The following UST variants were observed in gnomAD, a reference collection of about 807,000 sequenced individuals.
UST encodes chondroitin sulfate 2-O-sulfotransferase.
UST carries 21 observed loss-of-function variants against 45.6 expected under a neutral mutation model. The observed-to-expected ratio is 0.46, with a 90% confidence interval of 0.33 to 0.66. The LOEUF (loss-of-function observed/expected upper bound fraction) is 0.66. Among genes scored for constraint, UST ranks in the 30% least tolerant of loss-of-function variants. UST has a pLI of 0.02. For missense variants in UST, 463 were observed against 512.4 expected, an observed-to-expected ratio of 0.90 and a Z score of 0.93; for synonymous variants, 215 against 200.6, an observed-to-expected ratio of 1.07 and a Z score of -0.61.
At chr6:149,043,062 C>CTTCTTTCT (rs781008898) in intron 7 of UST, among the ~76,000 whole-genome samples, 11 of 112,094 alleles carry the variant, frequency 9.8e-5, no homozygotes, top group Non-Finnish European at 1.5e-4. Context: ...TCCTTCTTTC[C>CTTCTTTCT]TTCTTTCTTT....
intron 5 of UST, among the ~76,000 whole-genome samples, chr6:148,975,973 G>A (rs1210804801): frequency 1.3e-5 from 2 of 152,026 alleles, no homozygotes; most frequent in Admixed American, 6.6e-5. Flanking sequence ...TCACAAAAAG[G>A]CATTATAGGC....
At chr6:148,949,840 A>G (rs1780329708) in intron 3 of UST, among the ~76,000 whole-genome samples, 2 of 152,176 alleles carry the variant, frequency 1.3e-5, no homozygotes, top group Non-Finnish European at 2.9e-5. Flanking sequence ...CTACAATGTA[A>G]TGTAGAAAGT....
chr6:149,037,117 G>A (rs568483848), intron 7 of UST, among the ~76,000 whole-genome samples: 2 of 152,178 alleles, frequency 1.3e-5, no homozygotes, highest in Admixed American at 1.3e-4. Context: ...GGCCTCGGGG[G>A]GTGAGCACAG....
intron 5 of UST, among the ~76,000 whole-genome samples, chr6:149,007,286 A>ATT (rs758579779): frequency 3.7e-4 from 34 of 91,210 alleles, no homozygotes; most frequent in African/African-American, 1.2e-3. Context: ...CACCCGACCA[A>ATT]TTTTTTTTTT....
At chr6:148,991,848 A>G (rs1240058640) in intron 5 of UST, among the ~76,000 whole-genome samples, 1 of 152,182 alleles carries the variant, frequency 6.6e-6, no homozygotes, top group African/African-American at 2.4e-5. Flanking sequence ...GAATCCTTAG[A>G]CTACATCAAA....
intron 1 of UST, among the ~76,000 whole-genome samples, chr6:148,804,258 T>C (rs1777107111): frequency 6.6e-6 from 1 of 152,132 alleles, no homozygotes; most frequent in African/African-American, 2.4e-5. Context: ...AGGGAAATGG[T>C]CCTTCTCTTC....
intron 1 of UST, among the ~76,000 whole-genome samples, chr6:148,886,266 A>G (rs1042473518): frequency 1.3e-5 from 2 of 152,142 alleles, no homozygotes; most frequent in African/African-American, 4.8e-5. Flanking sequence ...CTCCTCTGTT[A>G]AAAGGGGACA....
chr6:148,893,243 T>TA (rs1429044372), intron 2 of UST, among the ~76,000 whole-genome samples: 1 of 152,234 alleles, frequency 6.6e-6, no homozygotes, highest in African/African-American at 2.4e-5. Context: ...GAAGGCGGCT[T>TA]ACAATTATTA....
intron 1 of UST, among the ~76,000 whole-genome samples, chr6:148,749,758 G>A (rs1050221639): frequency 6.6e-6 from 1 of 152,220 alleles, no homozygotes; most frequent in African/African-American, 2.4e-5. Context: ...TGGTAGAAGG[G>A]TGAATTCTCA....
chr6:148,757,002 C>A (rs1776113510), intron 1 of UST, among the ~76,000 whole-genome samples: 1 of 152,230 alleles, frequency 6.6e-6, no homozygotes, highest in Non-Finnish European at 1.5e-5. Flanking sequence ...CCACTTATGA[C>A]ATATGAGTAC....
Position 149,037,180 on chromosome 6 carries a change from C to A in UST, c.937+15699C>A, listed in dbSNP as rs541278103. 2.0e-3 allele frequency among the ~76,000 whole-genome samples: 303 copies of A among 152,200 alleles called. 9 individuals carry two copies. Among genetic ancestry groups the A allele is most frequent in the Non-Finnish European group, 2.2e-4 (15 of 68,016 alleles). ...GCAGCCATCGTGAAGGCTCGTCTGC[C>A]GCAGCTGCTCCGGTAGCAGGAGCAG... On this transcript the variant is annotated intron_variant, in intron 7 of 7. Transcript: ENST00000367463.
chr6:148,879,663 A>G (rs552647921), intron 1 of UST, among the ~76,000 whole-genome samples: 36 of 152,352 alleles, frequency 2.4e-4, no homozygotes, highest in African/African-American at 7.9e-4. Flanking sequence ...TGCTACTGCT[A>G]CTTGTAGTAG....
At chr6:148,951,611 G>C (rs1208346689) in intron 3 of UST, among the ~76,000 whole-genome samples, 1 of 152,124 alleles carries the variant, frequency 6.6e-6, no homozygotes, top group Non-Finnish European at 1.5e-5. Context: ...GGAACAGGCA[G>C]GCTGCTGGCC....
At chr6:148,900,338 A>G (rs1256822879) in intron 2 of UST, among the ~76,000 whole-genome samples, 1 of 152,100 alleles carries the variant, frequency 6.6e-6, no homozygotes, top group African/African-American at 2.4e-5. Flanking sequence ...CCTAGGTCTC[A>G]TCTTGAATTG....
intron 2 of UST, among the ~76,000 whole-genome samples, chr6:148,930,958 T>C (rs1350965697): frequency 6.6e-6 from 1 of 152,252 alleles, no homozygotes; most frequent in Non-Finnish European, 1.5e-5. Context: ...GAACAGTATA[T>C]CCAAGCTTTT....
intron 7 of UST, among the ~76,000 whole-genome samples, chr6:149,060,632 A>G (rs1392853319): frequency 6.6e-6 from 1 of 152,106 alleles, no homozygotes; most frequent in Non-Finnish European, 1.5e-5. Context: ...GCGTTTGCCA[A>G]CCCTGGGGAG....
chr6:148,850,414 A>T (rs1384439603), intron 1 of UST, among the ~76,000 whole-genome samples: 1 of 152,244 alleles, frequency 6.6e-6, no homozygotes, highest in Non-Finnish European at 1.5e-5. Context: ...AGTCCAAGGC[A>T]AACCAGCACA....
intron 2 of UST, among the ~76,000 whole-genome samples, chr6:148,927,647 A>T (rs563506589): frequency 6.6e-6 from 1 of 152,276 alleles, no homozygotes; most frequent in East Asian, 1.9e-4. Context: ...CCACCAAATT[A>T]AGAGCCCTGG....
intron 2 of UST, among the ~76,000 whole-genome samples, chr6:148,893,719 C>G (rs571191201): frequency 2.3e-3 from 352 of 152,290 alleles, no homozygotes; most frequent in African/African-American, 5.4e-3. Context: ...CAGATTCATA[C>G]AGTAAGTATG....
Sources: allele counts gnomAD v4.1 joint callset (sites outside exome capture counted in the v4.1 genomes callset), GRCh38; gene constraint gnomAD v4.1.1; transcripts MANE v1.5; gene names NCBI Gene and HGNC (gene_info 2026-07-23, HGNC 2026-07-21).